GOLGA1: variants seen among roughly 807,000 people sequenced by gnomAD.
GOLGA1 encodes the protein golgin subfamily A member 1.
Under a neutral mutation model 119.7 loss-of-function variants are expected in GOLGA1, and 63 were observed. The observed-to-expected ratio is 0.53, with a 90% confidence interval of 0.43 to 0.65. GOLGA1 has a LOEUF of 0.65. GOLGA1 is among the 30% of genes least tolerant of loss of function. GOLGA1 has a pLI of 0.00. For synonymous variants in GOLGA1, 318 were observed against 333.4 expected (o/e 0.95, Z 0.50); for missense variants, 798 against 912.8 (o/e 0.87, Z 1.62).
intron 12 of GOLGA1, among the ~76,000 whole-genome samples, chr9:124,903,221 C>T (rs1347064888): frequency 6.6e-6 from 1 of 152,184 alleles, no homozygotes; most frequent in African/African-American, 2.4e-5. Context: ...GGTGCGGTGG[C>T]TTATGCCTGT....
rs537150285 is a variant in GOLGA1, at chr9:124,879,770, A to T, written c.*760T>A. 1.3e-5 allele frequency: 2 copies of T among 152,708 alleles called. No homozygotes were observed. Among genetic ancestry groups the T allele is most frequent in the African/African-American group, 2.4e-5 (1 of 41,548 alleles). The allele number at this position is 152,708 out of a possible 1,614,324, so 9.5% of individuals were successfully genotyped here. On this transcript the variant is annotated 3_prime_UTR_variant, in exon 23 of 23. Transcript: ENST00000373555. ...ACAGAAGACATGTTTATAGTAGTGA[A>T]GAACTTCAGCTATAAAAAATAGTTT...
exon 1 of GOLGA1, chr9:124,947,943 T>C (rs1326285650): frequency 6.6e-6 from 1 of 152,204 alleles, no homozygotes; most frequent in Non-Finnish European, 1.5e-5. Context: ...GTCCAGAGTG[T>C]TCTCTGTATA....
chr9:124,896,285 G>A (rs149010697), intron 15 of GOLGA1, among the ~76,000 whole-genome samples: 2 of 152,260 alleles, frequency 1.3e-5, no homozygotes, highest in East Asian at 3.9e-4. Flanking sequence ...ATGGTGGCAC[G>A]TGCCTGTAGT....
chr9:124,885,498 A>G (rs1829701340), intron 19 of GOLGA1, among the ~76,000 whole-genome samples: 1 of 151,856 alleles, frequency 6.6e-6, no homozygotes, highest in African/African-American at 2.4e-5. Context: ...AAAAAAAAAA[A>G]AAAGAAATCA....
chr9:124,879,791 A>C lies in GOLGA1; in HGVS notation c.*739T>G, dbSNP rs1337547871. 6.6e-6 allele frequency: 1 copy of C among 152,632 alleles called. No homozygotes were observed. The highest frequency in any genetic ancestry group is 6.6e-5 in the Admixed American group (1 of 15,266). 9.5% of individuals were successfully genotyped at this position (152,632 alleles called of 1,614,324 possible). ...GTGAAGAACTTCAGCTATAAAAAAT[A>C]GTTTAAAATGGTTTACCAGCAACCT... On this transcript the variant is annotated 3_prime_UTR_variant, in exon 23 of 23. Transcript: ENST00000373555.
chr9:124,903,635 AAG>A lies in GOLGA1; in HGVS notation c.1066-3090_1066-3089del, dbSNP rs1830154957. Among the ~76,000 whole-genome samples, 4 of 142,708 alleles carry A rather than the reference AAG, an allele frequency of 2.8e-5. No individual in the cohort carries two copies. The South Asian group carries it at 9.4e-4, about 34-fold the overall frequency. 93.6% of individuals were successfully genotyped at this position (142,708 alleles called of 152,430 possible). On this transcript the variant is annotated intron_variant, in intron 12 of 22. Coordinates refer to ENST00000373555, the MANE Select transcript of GOLGA1 (RefSeq NM_002077.4). ...ATAGGGAGACCCTGTTCTCCACAAA[AAG>A]GGGAGAAAAAGACCAAAAAAAAAAA...
At chr9:124,886,561 T>C (rs1470466055) in intron 19 of GOLGA1, among the ~76,000 whole-genome samples, 1 of 151,760 alleles carries the variant, frequency 6.6e-6, no homozygotes, top group Non-Finnish European at 1.5e-5. Context: ...TATAGGAAGT[T>C]TTAACATGTC....
intron 3 of GOLGA1, among the ~76,000 whole-genome samples, chr9:124,934,533 T>C (rs1466053702): frequency 1.3e-5 from 2 of 152,210 alleles, no homozygotes; most frequent in Non-Finnish European, 2.9e-5. Context: ...TGAAAGAATG[T>C]GGTCCATTCT....
intron 13 of GOLGA1, among the ~76,000 whole-genome samples, chr9:124,899,961 C>G (rs1333299943): frequency 6.6e-6 from 1 of 152,256 alleles, no homozygotes; most frequent in Non-Finnish European, 1.5e-5. Flanking sequence ...GCATAATTCT[C>G]AGGTCTCCTG....
intron 15 of GOLGA1, among the ~76,000 whole-genome samples, chr9:124,894,716 G>A (rs1829925204): frequency 6.6e-6 from 1 of 152,066 alleles, no homozygotes; most frequent in South Asian, 2.1e-4. Context: ...TTACCCCAGT[G>A]GTTCTCTGCC....
chr9:124,885,383 G>C (rs955202530), intron 19 of GOLGA1, among the ~76,000 whole-genome samples: 3 of 151,478 alleles, frequency 2.0e-5, no homozygotes, highest in Non-Finnish European at 4.4e-5. Flanking sequence ...TACTCGGGAG[G>C]TTGAGGCAAC....
chr9:124,905,663 A>G (rs370462611), intron 12 of GOLGA1, among the ~76,000 whole-genome samples: 1 of 152,192 alleles, frequency 6.6e-6, no homozygotes, highest in Non-Finnish European at 1.5e-5. Flanking sequence ...AAGGAGTAAG[A>G]TAAAGTTGTC....
At position 124,888,336 on chromosome 9, in the gene GOLGA1, T is replaced by C; in HGVS notation, c.1822A>G (p.Asn608Asp). 4 of 1,613,822 alleles carry C rather than the reference T, an allele frequency of 2.5e-6. No individual in the cohort carries two copies. Among genetic ancestry groups the C allele is most frequent in the Non-Finnish European group, 3.4e-6 (4 of 1,179,698 alleles). ...FQLPTAGRTP[N>D]GEVGAMDLTQ... is the part of the protein sequence containing the mutation. ...AGATCCATGGCCCCAACCTCACCAT[T>C]TGGTGTTCTTCCTGCAGTTGGAAGC... Residue 608 changes from asparagine to aspartate, a missense_variant, in exon 19 of 23, where the codon AAT becomes GAT. Coordinates refer to ENST00000373555, the MANE Select transcript of GOLGA1 (RefSeq NM_002077.4). The surrounding 1 kb of genome is among the most constrained non-coding windows in gnomAD (Gnocchi z 4.4).
At chr9:124,891,551 T>A (rs550415341) in intron 15 of GOLGA1, among the ~76,000 whole-genome samples, 1 of 152,288 alleles carries the variant, frequency 6.6e-6, no homozygotes, top group African/African-American at 2.4e-5. Context: ...CCTTGATCTG[T>A]CTCACCCAGA....
At chr9:124,882,087 C>T in intron 20 of GOLGA1, 133 bp from the exon 21 acceptor site, 1 of 648,442 alleles carries the variant, frequency 1.5e-6, no homozygotes, top group Non-Finnish European at 2.7e-6. Context: ...GAAGGAAGCA[C>T]CTCCAGGTAG....
chr9:124,931,678 G>A (rs1830773984), intron 3 of GOLGA1, among the ~76,000 whole-genome samples: 1 of 152,116 alleles, frequency 6.6e-6, no homozygotes, highest in African/African-American at 2.4e-5. Flanking sequence ...ATTACAGCAA[G>A]TATATAATAC....
intron 10 of GOLGA1, among the ~76,000 whole-genome samples, chr9:124,912,395 A>C: frequency 6.6e-6 from 1 of 152,158 alleles, no homozygotes; most frequent in Non-Finnish European, 1.5e-5. Flanking sequence ...ATAAAGCAGT[A>C]ACAGTGCTGA....
chr9:124,931,399 TC>T lies in GOLGA1; in HGVS notation c.142del (p.Asp48MetfsTer14). The T allele has an allele frequency of 1.3e-6, 2 of 1,552,812 alleles. No individual in the cohort carries two copies. Among genetic ancestry groups the T allele is most frequent in the Non-Finnish European group, 1.8e-6 (2 of 1,124,090 alleles). On this transcript the variant is annotated frameshift_variant, in exon 4 of 23. Transcript: ENST00000373555. LOFTEE classifies it high-confidence loss of function. The stretch of plus-strand genomic sequence containing the variant: ...AAGATCTTCTCTGGAGCTGCTTCCA[TC>T]GGAAGCCTGTTGAGGTAGACACAAG... Reference protein sequence around the residue: ...GADSGDDFASDGSSSREDLSS... With the variant: ...GADSGDDFASXGSSSREDLSS...
Position 124,881,147 on chromosome 9 carries a change from G to T in GOLGA1, c.2223+24C>A. ...AACTGACAACGTATCTTGGAAGCTG[G>T]AACAGTAGACCAGAGAACCCTACCT... On this transcript the variant is annotated intron_variant, in intron 22 of 22. Transcript: ENST00000373555. The surrounding 1 kb of genome is among the most constrained non-coding windows in gnomAD (Gnocchi z 4.9). 3 of 1,233,418 alleles carry T rather than the reference G, an allele frequency of 2.4e-6. No homozygotes were observed. Among genetic ancestry groups the T allele is most frequent in the South Asian group, 1.2e-5 (1 of 83,840 alleles). 76.4% of individuals were successfully genotyped at this position (1,233,418 alleles called of 1,614,324 possible).
Sources: gnomAD v4.1 joint callset for allele counts (sites outside exome capture counted in the v4.1 genomes callset) on GRCh38, gnomAD v4.1.1 for gene constraint, Gnocchi (gnomAD v3.1) non-coding constraint, MANE v1.5 for transcripts, NCBI Gene and HGNC (gene_info 2026-07-23, HGNC 2026-07-21) for gene names.